SPP2: variants seen among roughly 807,000 people sequenced by gnomAD.
SPP2 encodes the protein secreted phosphoprotein 2.
A neutral mutation model predicts 28.8 loss-of-function variants in SPP2; 34 were observed. That is an observed-to-expected ratio of 1.18 (90% confidence interval 0.90 to 1.57). SPP2 has a LOEUF of 1.57. Ranked by LOEUF, SPP2 falls within the 40% of genes most tolerant of loss-of-function variation. The probability of loss-of-function intolerance (pLI) is 0.00; values close to 1 mark genes in which losing one functional copy is unlikely to be tolerated. For synonymous variants in SPP2, 96 were observed against 89.4 expected (o/e 1.07, Z -0.42); for missense variants, 269 against 263.9 (o/e 1.02, Z -0.13).
intron 5 of SPP2, 88 bp from the exon 6 acceptor site, chr2:234,067,136 A>G: frequency 2.4e-6 from 3 of 1,225,392 alleles, no homozygotes; most frequent in Non-Finnish European, 3.6e-6. Flanking sequence ...TTTGCTTAAG[A>G]AGCATATTTG....
intron 1 of SPP2, 26 bp downstream of exon 1, chr2:234,050,897 C>A (rs767882974): frequency 4.3e-6 from 7 of 1,614,028 alleles, no homozygotes; most frequent in Non-Finnish European, 5.9e-6. Context: ...ACCTGGCCAC[C>A]TGCTCTGGAT....
At chr2:234,072,275 C>G (rs958563804) in intron 7 of SPP2, among the ~76,000 whole-genome samples, 2 of 152,152 alleles carry the variant, frequency 1.3e-5, no homozygotes, top group African/African-American at 4.8e-5. Flanking sequence ...GGTAGCTTTT[C>G]TTTTTAATGT....
rs557097831 is a variant in SPP2 at position 234,061,411 on chromosome 2, T to G, written c.444+932T>G. 2.0e-5 allele frequency among the ~76,000 whole-genome samples: 3 copies of G among 152,316 alleles called. No homozygotes were observed. The South Asian group carries it at 6.2e-4, about 32-fold the overall frequency. ...TGATAAGAAGAGGCCATCTCTTCAC[T>G]TTAAACTAGGGATAAAAACATGACA... On this transcript the variant is annotated intron_variant, in intron 4 of 7. Transcript: ENST00000168148.
At chr2:234,075,810 A>T (rs1036664106) in intron 7 of SPP2, among the ~76,000 whole-genome samples, 6 of 152,046 alleles carry the variant, frequency 3.9e-5, no homozygotes, top group African/African-American at 1.4e-4. Context: ...ATTCCACACC[A>T]CGTTCAAAAT....
chr2:234,054,017 G>T (rs1693555107), intron 2 of SPP2, among the ~76,000 whole-genome samples: 1 of 152,224 alleles, frequency 6.6e-6, no homozygotes, highest in South Asian at 2.1e-4. Flanking sequence ...GTAGAGGAGG[G>T]TAAGCAGGTT....
chr2:234,059,739 C>T (rs1001292555), intron 3 of SPP2, among the ~76,000 whole-genome samples: 2 of 152,186 alleles, frequency 1.3e-5, no homozygotes, highest in Admixed American at 6.5e-5. Flanking sequence ...TTCCCAGAAA[C>T]GGGTTAATCA....
At chr2:234,055,855 C>CT (rs57524937) in intron 2 of SPP2, among the ~76,000 whole-genome samples, 384 of 144,632 alleles carry the variant, frequency 2.7e-3, no homozygotes, top group Non-Finnish European at 3.6e-3. Flanking sequence ...CAGTTGACTT[C>CT]TTTTTTTTTT....
chr2:234,068,438 C>T (rs1693870416), intron 6 of SPP2, among the ~76,000 whole-genome samples: 2 of 152,180 alleles, frequency 1.3e-5, no homozygotes, highest in South Asian at 4.1e-4. Flanking sequence ...CTGCGAAATC[C>T]ACCTGATGTT....
intron 4 of SPP2, among the ~76,000 whole-genome samples, chr2:234,064,016 A>G (rs1369014955): frequency 2.0e-5 from 3 of 152,188 alleles, no homozygotes; most frequent in African/African-American, 7.2e-5. Context: ...ATTCCCAGAA[A>G]GGAAGGAGAG....
intron 4 of SPP2, 46 bp downstream of exon 4, chr2:234,060,525 C>A: frequency 1.3e-6 from 2 of 1,499,100 alleles, no homozygotes; most frequent in South Asian, 1.2e-5. Flanking sequence ...CTCTTAGGGT[C>A]TGTGTGGGTT....
intron 4 of SPP2, among the ~76,000 whole-genome samples, chr2:234,063,921 T>C (rs1693768776): frequency 6.6e-6 from 1 of 152,120 alleles, no homozygotes; most frequent in African/African-American, 2.4e-5. Flanking sequence ...GACGGGCATT[T>C]AATTTATTTA....
intron 7 of SPP2, among the ~76,000 whole-genome samples, chr2:234,072,046 G>A (rs1690800156): frequency 6.6e-6 from 1 of 152,164 alleles, no homozygotes; most frequent in African/African-American, 2.4e-5. Flanking sequence ...GCAGTGCCCT[G>A]CACACAGCCC....
At chr2:234,060,502 T>C in intron 4 of SPP2, 23 bp downstream of exon 4, 1 of 1,582,068 alleles carries the variant, frequency 6.3e-7, no homozygotes, top group Non-Finnish European at 8.7e-7. Context: ...CCTTGTCTCC[T>C]CCCAGACCGC....
chr2:234,076,150 C>T (rs1252401398), intron 7 of SPP2, among the ~76,000 whole-genome samples: 10 of 152,142 alleles, frequency 6.6e-5, no homozygotes, highest in East Asian at 3.9e-4. Context: ...TGAGCTCCCT[C>T]AGAGTGTGAG....
chr2:234,068,105 G>A lies in SPP2; in HGVS notation c.550+831G>A, dbSNP rs182282227. Reference sequence around the variant, plus strand: ...TTTTGTCCCTCTCCTGTACAGATCAGTTTTCTCATTTGGTCCTCATGATAG... The same window carrying A: ...TTTTGTCCCTCTCCTGTACAGATCAATTTTCTCATTTGGTCCTCATGATAG... On this transcript the variant is annotated intron_variant, in intron 6 of 7. Transcript: ENST00000168148. Among the ~76,000 whole-genome samples the A allele has an allele frequency of 9.9e-5, 15 of 152,210 alleles. No individual in the cohort carries two copies. The East Asian group carries it at 2.9e-3, about 29-fold the overall frequency.
chr2:234,070,625 C>T (rs1336616997), intron 7 of SPP2, among the ~76,000 whole-genome samples: 1 of 152,108 alleles, frequency 6.6e-6, no homozygotes, highest in Non-Finnish European at 1.5e-5. Flanking sequence ...CCACGCTCAG[C>T]TAATATTTGT....
intron 6 of SPP2, among the ~76,000 whole-genome samples, chr2:234,068,933 A>G (rs777007723): frequency 5.3e-5 from 8 of 152,132 alleles, no homozygotes; most frequent in Non-Finnish European, 1.0e-4. Flanking sequence ...CCAAGGAGAA[A>G]CTTAGCTGGG....
At chr2:234,051,814 C>T (rs559369858) in intron 2 of SPP2, among the ~76,000 whole-genome samples, 34 of 152,210 alleles carry the variant, frequency 2.2e-4, no homozygotes, top group African/African-American at 8.2e-4. Flanking sequence ...GGAATGAAGG[C>T]TCTGTATAGC....
At chr2:234,055,505 G>C (rs1693588106) in intron 2 of SPP2, among the ~76,000 whole-genome samples, 1 of 152,218 alleles carries the variant, frequency 6.6e-6, no homozygotes, top group Non-Finnish European at 1.5e-5. Context: ...CCATGGTTCA[G>C]TCAAGTTGAC....
Sources: gnomAD v4.1 joint callset for allele counts (sites outside exome capture counted in the v4.1 genomes callset) on GRCh38, gnomAD v4.1.1 for gene constraint, MANE v1.5 for transcripts, NCBI Gene and HGNC (gene_info 2026-07-23, HGNC 2026-07-21) for gene names.